The following TFCP2L1 variants were observed in gnomAD, a reference collection of about 807,000 sequenced individuals.
TFCP2L1 encodes the protein transcription factor CP2 like 1, also known as transcription factor CP2-like protein 1.
Under a neutral mutation model 72.2 loss-of-function variants are expected in TFCP2L1, and 12 were observed. The ratio of observed to expected loss-of-function variants is 0.17; its 90% confidence interval spans 0.11 to 0.27. The LOEUF (loss-of-function observed/expected upper bound fraction) is 0.27. Among genes scored for constraint, TFCP2L1 ranks in the 10% least tolerant of loss-of-function variants. The pLI, the probability that TFCP2L1 is intolerant of heterozygous loss-of-function variation, is 1.00. For missense variants in TFCP2L1, 488 were observed against 624.6 expected, an observed-to-expected ratio of 0.78 and a Z score of 2.33; for synonymous variants, 260 against 251.0, an observed-to-expected ratio of 1.04 and a Z score of -0.34.
At chr2:121,272,443 G>A (rs1687064486) in intron 2 of TFCP2L1, among the ~76,000 whole-genome samples, 1 of 152,116 alleles carries the variant, frequency 6.6e-6, no homozygotes, top group South Asian at 2.1e-4. Context: ...TCAACACCTT[G>A]CATAGGAAAT....
intron 14 of TFCP2L1, 134 bp downstream of exon 14, chr2:121,225,428 C>T: frequency 1.2e-6 from 1 of 844,866 alleles, no homozygotes; most frequent in Non-Finnish European, 1.9e-6. Context: ...GGCTAGCTTT[C>T]ACGGAGAGTT....
At chr2:121,258,992 A>G (rs1001139149) in intron 2 of TFCP2L1, among the ~76,000 whole-genome samples, 3 of 152,232 alleles carry the variant, frequency 2.0e-5, no homozygotes, top group African/African-American at 7.2e-5. Flanking sequence ...TCACACCTAT[A>G]ATCCCAGCAC....
At position 121,225,990 on chromosome 2, in the gene TFCP2L1, A is replaced by T. The variant is rs533445605; in HGVS notation, c.1342-377T>A. Among the ~76,000 whole-genome samples, 67 of 139,376 alleles carry T rather than the reference A, an allele frequency of 4.8e-4. 1 individual carries two copies. The highest frequency in any genetic ancestry group is 3.8e-3 in the Middle Eastern group (1 of 266). The allele number at this position is 139,376 out of a possible 152,430, so 91.4% of individuals were successfully genotyped here. A position where few individuals can be genotyped will look rare whatever the true frequency, so the allele number is the denominator to read the frequency against. ...CACCACTGCCACGGTGCCCACACAC[A>T]CGGGAACACGGTAAACACCACTGCC... On this transcript the variant is annotated intron_variant, in intron 13 of 14. Transcript: ENST00000263707.
intron 2 of TFCP2L1, among the ~76,000 whole-genome samples, chr2:121,276,634 GAAAA>G (rs199554642): frequency 3.0e-5 from 3 of 100,100 alleles, no homozygotes; most frequent in Non-Finnish European, 4.4e-5. Flanking sequence ...CCCTGTCTCA[GAAAA>G]AAAAAAAAAA....
chr2:121,271,706 A>G (rs1167049576), intron 2 of TFCP2L1, among the ~76,000 whole-genome samples: 1 of 152,238 alleles, frequency 6.6e-6, no homozygotes, highest in Non-Finnish European at 1.5e-5. Flanking sequence ...TAACCCACAA[A>G]GTGAAACTGT....
rs1686781568 is a variant in TFCP2L1, at chr2:121,259,017, G to A, written c.215-9370C>T. 2.0e-5 allele frequency among the ~76,000 whole-genome samples: 3 copies of A among 152,162 alleles called. No individual in the cohort carries two copies. In the South Asian group the frequency reaches 6.2e-4, roughly 32 times the overall value. On this transcript the variant is annotated intron_variant, in intron 2 of 14. Transcript: ENST00000263707. ...AATCCCAGCACTTTGGGAGGCCAAG[G>A]CAGGTGGATCACTTGAGGTCAGGAG...
At chr2:121,229,977 A>G (rs1476021165) in intron 13 of TFCP2L1, among the ~76,000 whole-genome samples, 1 of 152,136 alleles carries the variant, frequency 6.6e-6, no homozygotes, top group African/African-American at 2.4e-5. Context: ...AACAAATCGG[A>G]GTCTTAATCC....
chr2:121,264,674 G>A (rs1234658818), intron 2 of TFCP2L1, among the ~76,000 whole-genome samples: 4 of 152,206 alleles, frequency 2.6e-5, no homozygotes, highest in East Asian at 1.9e-4. Context: ...GAGAGGAACC[G>A]ACTGAAGAGT....
chr2:121,283,233 G>A (rs1481479050), intron 1 of TFCP2L1, among the ~76,000 whole-genome samples: 1 of 152,146 alleles, frequency 6.6e-6, no homozygotes, highest in Non-Finnish European at 1.5e-5. Flanking sequence ...CAAACAGAAA[G>A]GGGGAAGGGA....
intron 6 of TFCP2L1, among the ~76,000 whole-genome samples, chr2:121,242,936 CAGAG>C (rs1161415060): frequency 1.3e-5 from 2 of 152,260 alleles, no homozygotes; most frequent in Non-Finnish European, 2.9e-5. Context: ...CGTCTCCATC[CAGAG>C]AGAGAGCCTG....
intron 2 of TFCP2L1, among the ~76,000 whole-genome samples, chr2:121,266,144 CT>C (rs35281668): frequency 0.32 from 46,701 of 145,468 alleles, 7,592 homozygotes; most frequent in East Asian, 0.56. Context: ...GGGATTTAAT[CT>C]TTTTTTTTTT....
chr2:121,274,871 G>A (rs1435249071), intron 2 of TFCP2L1, among the ~76,000 whole-genome samples: 3 of 151,914 alleles, frequency 2.0e-5, no homozygotes, highest in Non-Finnish European at 2.9e-5. Flanking sequence ...ATTCCAGGAG[G>A]TGGAGGCTGC....
At chr2:121,228,470 A>C (rs1422001222) in intron 13 of TFCP2L1, among the ~76,000 whole-genome samples, 1 of 151,606 alleles carries the variant, frequency 6.6e-6, no homozygotes, top group African/African-American at 2.4e-5. Context: ...AAAAAAAAAA[A>C]ATAGCTAGGC....
At chr2:121,262,655 G>A (rs1195803574) in intron 2 of TFCP2L1, among the ~76,000 whole-genome samples, 3 of 152,128 alleles carry the variant, frequency 2.0e-5, no homozygotes, top group Non-Finnish European at 2.9e-5. Context: ...GACTGTAGCA[G>A]ACAACAGAAT....
At chr2:121,270,487 C>T (rs1370799906) in intron 2 of TFCP2L1, among the ~76,000 whole-genome samples, 1 of 152,184 alleles carries the variant, frequency 6.6e-6, no homozygotes, top group East Asian at 1.9e-4. Context: ...CAGCTATTTT[C>T]ACTCCCGCTT....
In TFCP2L1 at chr2:121,258,908, G is replaced by T. The variant is rs1348668156; in HGVS notation, c.215-9261C>A. 2.6e-5 allele frequency among the ~76,000 whole-genome samples: 4 copies of T among 152,180 alleles called. No homozygotes were observed. In the South Asian group the frequency reaches 8.3e-4, roughly 32 times the overall value. ...ATAATGTACTTGTGGTTATATAAAA[G>T]AATGTCCTTGTTCTTAGGAAATACA... On this transcript the variant is annotated intron_variant, in intron 2 of 14. Transcript: ENST00000263707.
At chr2:121,253,741 C>T (rs1686657517) in intron 2 of TFCP2L1, among the ~76,000 whole-genome samples, 1 of 152,198 alleles carries the variant, frequency 6.6e-6, no homozygotes, top group East Asian at 1.9e-4. Flanking sequence ...GCGTTAGGCC[C>T]AGGATCACAG....
Position 121,219,945 on chromosome 2 carries a change from C to T in TFCP2L1, c.*4396G>A, listed in dbSNP as rs577716571. 4 of 152,296 alleles carry T rather than the reference C, an allele frequency of 2.6e-5. No homozygotes were observed. The East Asian group carries it at 7.7e-4, about 29-fold the overall frequency. 9.4% of individuals were successfully genotyped at this position (152,296 alleles called of 1,614,324 possible). On this transcript the variant is annotated 3_prime_UTR_variant, in exon 15 of 15. Coordinates refer to ENST00000263707, the MANE Select transcript of TFCP2L1 (RefSeq NM_014553.3). Reference sequence around the variant, plus strand: ...GGGTCTGGGATCTAGGACCCTGACTCTGGGTTCTCTGTTCCTCTTCCTACA... The same window carrying T: ...GGGTCTGGGATCTAGGACCCTGACTTTGGGTTCTCTGTTCCTCTTCCTACA...
chr2:121,272,476 G>A (rs1158114367), intron 2 of TFCP2L1, among the ~76,000 whole-genome samples: 2 of 152,238 alleles, frequency 1.3e-5, no homozygotes, highest in Middle Eastern at 3.4e-3. Flanking sequence ...TATGTCCCTC[G>A]TGTGGTTGTA....
Sources: allele counts gnomAD v4.1 joint callset (sites outside exome capture counted in the v4.1 genomes callset), GRCh38; gene constraint gnomAD v4.1.1; transcripts MANE v1.5; gene names NCBI Gene and HGNC (gene_info 2026-07-23, HGNC 2026-07-21).